The following GRID1 variants were observed in gnomAD, a reference collection of about 807,000 sequenced individuals.
GRID1 encodes glutamate ionotropic receptor delta type subunit 1.
GRID1 carries 28 observed loss-of-function variants against 98.0 expected under a neutral mutation model. The observed-to-expected ratio is 0.29, with a 90% CI of 0.21 to 0.39. The LOEUF (loss-of-function observed/expected upper bound fraction) is 0.39. Among genes scored for constraint, GRID1 ranks in the 10% least tolerant of loss-of-function variants. GRID1 has a pLI of 1.00. For missense variants in GRID1, 1,111 were observed against 1,340.5 expected (o/e 0.83, Z 2.67); for synonymous variants, 553 against 538.5 (o/e 1.03, Z -0.37).
At chr10:86,088,087 C>T (rs1005759918) in intron 4 of GRID1, among the ~76,000 whole-genome samples, 1 of 152,234 alleles carries the variant, frequency 6.6e-6, no homozygotes, top group South Asian at 2.1e-4. Flanking sequence ...CACAATCTTG[C>T]TCAACCAATT....
intron 2 of GRID1, among the ~76,000 whole-genome samples, chr10:86,309,450 A>G (rs1847802825): frequency 6.6e-6 from 1 of 152,240 alleles, no homozygotes; most frequent in Admixed American, 6.5e-5. Flanking sequence ...GCGGTCATAC[A>G]TAAAAGGGAT....
chr10:85,602,317 C>G lies in GRID1; in HGVS notation c.2986G>C (p.Val996Leu), dbSNP rs767323700. Residue 996 changes from valine (V) to leucine (L), a missense_variant, in exon 16 of 16, where the codon GTC (valine) becomes CTC (leucine). Coordinates refer to ENST00000327946, the MANE Select transcript of GRID1 (RefSeq NM_017551.3). ...PMSFQPVPGG[V>L]LPEALDTSHG... ...GAGGTGTCCAGAGCCTCTGGAAGGA[C>G]GCCTCCAGGCACGGGCTGGAAGGAC... The G allele has an allele frequency of 3.2e-6, 5 of 1,547,714 alleles. No homozygotes were observed. Among genetic ancestry groups the G allele is most frequent in the East Asian group, 4.5e-5 (2 of 44,286 alleles).
chr10:85,808,103 A>T (rs563726204), intron 8 of GRID1, among the ~76,000 whole-genome samples: 39 of 152,308 alleles, frequency 2.6e-4, no homozygotes, highest in African/African-American at 8.9e-4. Context: ...AATAATTATA[A>T]AATCTATCAA....
intron 5 of GRID1, among the ~76,000 whole-genome samples, chr10:85,875,607 T>C (rs550084010): frequency 1.1e-4 from 16 of 152,310 alleles, no homozygotes; most frequent in African/African-American, 2.9e-4. Flanking sequence ...CTTTACTTAT[T>C]TACCTACCCT....
intron 13 of GRID1, among the ~76,000 whole-genome samples, chr10:85,644,729 A>G (rs1397308368): frequency 6.6e-6 from 1 of 152,192 alleles, no homozygotes; most frequent in East Asian, 1.9e-4. Flanking sequence ...TAAGTGTCCC[A>G]TTTTATAAGA....
rs117370244 is a variant in GRID1 at position 86,121,965 on chromosome 10, A to C, written c.726+16854T>G. On this transcript the variant is annotated intron_variant, in intron 4 of 15. Coordinates refer to ENST00000327946, the MANE Select transcript of GRID1 (RefSeq NM_017551.3). ...ACCTTGATTGCTTTAGAAACGTTCC[A>C]CTGGATACCCCCGGGCCCCAAATAC... Among the ~76,000 whole-genome samples the C allele has an allele frequency of 1.9e-3, 294 of 152,232 alleles. 1 individual carries two copies. Among genetic ancestry groups the C allele is most frequent in the Non-Finnish European group, 3.8e-3 (256 of 68,020 alleles).
chr10:86,037,142 C>T (rs1421994939), intron 4 of GRID1, among the ~76,000 whole-genome samples: 2 of 152,200 alleles, frequency 1.3e-5, no homozygotes, highest in Admixed American at 1.3e-4. Flanking sequence ...GAAATATCAT[C>T]GAACCTGCCG....
At position 86,037,337 on chromosome 10, in the gene GRID1, C is replaced by T. The variant is rs111975915; in HGVS notation, c.726+101482G>A. ...AGGGAGCCTGATGATCAAGAACATG[C>T]AAGCTTGGAATCCTCACTGCCATCT... On this transcript the variant is annotated intron_variant, in intron 4 of 15. Transcript: ENST00000327946. Among the ~76,000 whole-genome samples, 334 of 152,310 alleles carry T rather than the reference C, an allele frequency of 2.2e-3. 2 individuals carry two copies. The highest frequency in any genetic ancestry group is 0.012 in the South Asian group (60 of 4,820).
intron 12 of GRID1, among the ~76,000 whole-genome samples, chr10:85,694,942 G>A (rs1406048675): frequency 6.6e-6 from 1 of 151,794 alleles, no homozygotes; most frequent in East Asian, 1.9e-4. Flanking sequence ...AGCTGCACTT[G>A]TACCCCTTAA....
At chr10:86,008,020 G>C (rs1842884251) in intron 4 of GRID1, among the ~76,000 whole-genome samples, 1 of 152,100 alleles carries the variant, frequency 6.6e-6, no homozygotes, top group South Asian at 2.1e-4. Flanking sequence ...CTGAGAGGAA[G>C]ATGGGGTAAG....
rs150669980 is a variant in GRID1 at position 85,766,435 on chromosome 10, G to A, written c.1234-36821C>T. ...CAGGAGGTTGAGGCTGCATTGAGCT[G>A]TGCTCACCCCACTGCACTCCACTCT... On this transcript the variant is annotated intron_variant, in intron 8 of 15. Coordinates refer to ENST00000327946, the MANE Select transcript of GRID1 (RefSeq NM_017551.3). Among the ~76,000 whole-genome samples, 45 of 152,216 alleles carry A rather than the reference G, an allele frequency of 3.0e-4. No homozygotes were observed. The East Asian group carries it at 8.1e-3, about 27-fold the overall frequency.
At chr10:86,364,289 C>A (rs1291997433) in intron 1 of GRID1, among the ~76,000 whole-genome samples, 193 bp from the exon 2 acceptor site, 1 of 152,198 alleles carries the variant, frequency 6.6e-6, no homozygotes, top group Non-Finnish European at 1.5e-5. Flanking sequence ...CCTCCCCCCA[C>A]CAGCCCTCAG....
intron 3 of GRID1, among the ~76,000 whole-genome samples, chr10:86,151,007 T>C (rs138985339): frequency 6.6e-6 from 1 of 152,332 alleles, no homozygotes; most frequent in African/African-American, 2.4e-5. Flanking sequence ...GCACGTCTTA[T>C]CCAGGTCTGA....
chr10:86,248,862 G>T (rs1485936052), intron 2 of GRID1, among the ~76,000 whole-genome samples: 2 of 152,124 alleles, frequency 1.3e-5, no homozygotes, highest in African/African-American at 4.8e-5. Flanking sequence ...GCCCAGCCTG[G>T]GCATGACGAT....
At position 85,821,539 on chromosome 10, in the gene GRID1, A is replaced by AAAAAAAAAAAAAAAAGCAAACAAAC. The variant is rs770693495; in HGVS notation, c.1233+32956_1233+32957insGTTTGTTTGCTTTTTTTTTTTTTTT. On this transcript the variant is annotated intron_variant, in intron 8 of 15. Transcript: ENST00000327946. ...CTCAAAAAAAAAAAAAAAAAAAAAA[A>AAAAAAAAAAAAAAAAGCAAACAAAC]AAAAAAGAAAACAGATCAATAGTTG... 6.6e-4 allele frequency among the ~76,000 whole-genome samples: 64 copies of AAAAAAAAAAAAAAAAGCAAACAAAC among 97,618 alleles called. 5 individuals are homozygous for AAAAAAAAAAAAAAAAGCAAACAAAC. The highest frequency in any genetic ancestry group is 8.3e-4 in the Non-Finnish European group (38 of 45,674). 64.0% of individuals were successfully genotyped at this position (97,618 alleles called of 152,430 possible).
At chr10:86,225,216 T>C (rs1053559338) in intron 2 of GRID1, among the ~76,000 whole-genome samples, 3 of 152,202 alleles carry the variant, frequency 2.0e-5, no homozygotes, top group Admixed American at 6.5e-5. Context: ...AATAGCTCAG[T>C]GACTTGTCCA....
chr10:86,070,778 A>G (rs1843792397), intron 4 of GRID1, among the ~76,000 whole-genome samples: 2 of 152,338 alleles, frequency 1.3e-5, no homozygotes, highest in South Asian at 4.1e-4. Context: ...CCAGGCACTG[A>G]GCTAGGCCCA....
intron 8 of GRID1, among the ~76,000 whole-genome samples, chr10:85,747,559 G>A (rs537615834): frequency 2.6e-5 from 4 of 152,204 alleles, no homozygotes; most frequent in African/African-American, 9.6e-5. Context: ...CCATACTATA[G>A]AGGTTTCTCC....
intron 12 of GRID1, among the ~76,000 whole-genome samples, chr10:85,681,680 C>T (rs932880154): frequency 6.6e-6 from 1 of 152,146 alleles, no homozygotes; most frequent in African/African-American, 2.4e-5. Context: ...GGTAATTATT[C>T]CCTCCACACC....
Sources: gnomAD v4.1 joint callset for allele counts (sites outside exome capture counted in the v4.1 genomes callset) on GRCh38, gnomAD v4.1.1 for gene constraint, MANE v1.5 for transcripts, NCBI Gene and HGNC (gene_info 2026-07-23, HGNC 2026-07-21) for gene names.